Variants in INPP4B observed in about 807,000 individuals in gnomAD.
The protein encoded by INPP4B is inositol polyphosphate-4-phosphatase type II B, also known as inositol polyphosphate 4-phosphatase type II.
In INPP4B, 55 loss-of-function variants were observed where a neutral mutation model predicts 122.5. That is an observed-to-expected ratio of 0.45 (90% confidence interval 0.36 to 0.56). The LOEUF (loss-of-function observed/expected upper bound fraction) is 0.56, where lower values mean the gene tolerates loss of function less well. Among genes scored for constraint, INPP4B ranks in the 20% least tolerant of loss-of-function variants. The probability of loss-of-function intolerance (pLI) is 0.00; values close to 1 mark genes in which losing one functional copy is unlikely to be tolerated. For missense variants in INPP4B, 1,000 were observed against 1,097.7 expected, an observed-to-expected ratio of 0.91 and a Z score of 1.26; for synonymous variants, 403 against 388.7, an observed-to-expected ratio of 1.04 and a Z score of -0.43.
intron 25 of INPP4B, among the ~76,000 whole-genome samples, chr4:142,074,498 A>T (rs923186523): frequency 6.6e-6 from 1 of 152,116 alleles, no homozygotes; most frequent in African/African-American, 2.4e-5. Flanking sequence ...ATCTGGCAGC[A>T]TCTAGCAAAA....
intron 2 of INPP4B, among the ~76,000 whole-genome samples, chr4:142,606,190 A>G (rs939386135): frequency 6.6e-6 from 1 of 151,942 alleles, no homozygotes; most frequent in African/African-American, 2.4e-5. Flanking sequence ...TGGGCACTAA[A>G]AAACTTTAAT....
chr4:142,760,214 C>T lies in INPP4B; in HGVS notation c.-253-34313G>A, dbSNP rs559539375. Among the ~76,000 whole-genome samples, 67 of 152,216 alleles carry T rather than the reference C, an allele frequency of 4.4e-4. 1 individual carries two copies. The highest frequency in any genetic ancestry group is 1.6e-3 in the African/African-American group (66 of 41,556). ...TATCATGGACTTGAGAACACATTTT[C>T]TGAACAAATAAATCTGGAAAATGCT... On this transcript the variant is annotated intron_variant, in intron 1 of 25. Transcript: ENST00000262992.
chr4:142,655,117 CAT>C (rs1261360929), intron 2 of INPP4B, among the ~76,000 whole-genome samples: 1 of 152,114 alleles, frequency 6.6e-6, no homozygotes, highest in Non-Finnish European at 1.5e-5. Flanking sequence ...TGCATGAAAG[CAT>C]AGTTTCAGTA....
intron 1 of INPP4B, among the ~76,000 whole-genome samples, chr4:142,752,433 A>C (rs755722075): frequency 6.6e-6 from 1 of 152,010 alleles, no homozygotes; most frequent in Non-Finnish European, 1.5e-5. Flanking sequence ...AAGAATCACA[A>C]CCTGAATTTC....
Position 142,270,678 on chromosome 4 carries a change from A to C in INPP4B, c.600T>G (p.Asp200Glu), listed in dbSNP as rs756493414. The change falls in exon 10 of 26, where the codon GAT becomes GAG. Residue 200 changes from aspartate (D) to glutamate (E), a missense_variant. Transcript: ENST00000262992. The stretch of plus-strand genomic sequence containing the variant: ...GAGATCCTACCTTTTGTCCCTGTAC[A>C]TCTGTGGTGATGTGGTCGGCTTCCC... Reference protein sequence around the residue: ...EDGEADHITTDVQGQKCALVC... With the variant: ...EDGEADHITTEVQGQKCALVC... 5.6e-6 allele frequency: 9 copies of C among 1,605,764 alleles called. No homozygotes were observed. The South Asian group carries it at 8.8e-5, about 16-fold the overall frequency.
At position 142,260,578 on chromosome 4, in the gene INPP4B, T is replaced by G. The variant is rs1245234684; in HGVS notation, c.616-14A>C. 1 of 1,086,394 alleles carries G rather than the reference T, an allele frequency of 9.2e-7. No homozygotes were observed. The highest frequency in any genetic ancestry group is 3.0e-5 in the Admixed American group (1 of 33,800). 67.3% of individuals were successfully genotyped at this position (1,086,394 alleles called of 1,614,324 possible). ...TACCAGGGCACACTAGGAAAAAATG[T>G]AAAAAAAAAAAAAAAATTTTGAGAA... On this transcript the variant is annotated splice_polypyrimidine_tract_variant and intron_variant, in intron 10 of 25. Coordinates refer to ENST00000262992, the MANE Select transcript of INPP4B (RefSeq NM_001101669.3).
chr4:142,504,474 T>G (rs754200413), intron 2 of INPP4B, among the ~76,000 whole-genome samples: 1 of 152,198 alleles, frequency 6.6e-6, no homozygotes, highest in African/African-American at 2.4e-5. Flanking sequence ...TAAATACATA[T>G]ACTTTTCTAT....
At chr4:142,305,323 T>C in intron 9 of INPP4B, 135 bp downstream of exon 9, 2 of 647,238 alleles carry the variant, frequency 3.1e-6, no homozygotes, top group Non-Finnish European at 5.5e-6. Flanking sequence ...TATAACTTGC[T>C]GCAGTGGAGA....
At chr4:142,767,451 T>C (rs777825363) in intron 1 of INPP4B, 8 of 152,206 alleles carry the variant, frequency 5.3e-5, no homozygotes, top group Non-Finnish European at 1.0e-4. Flanking sequence ...TAGTCAGGAA[T>C]GGGCTGGCTC....
chr4:142,056,818 C>CTT (rs1225213563), intron 25 of INPP4B, among the ~76,000 whole-genome samples: 3 of 152,104 alleles, frequency 2.0e-5, no homozygotes, highest in Non-Finnish European at 4.4e-5. Flanking sequence ...CATTCATTAG[C>CTT]TTAGAGGTCT....
At chr4:142,316,045 G>C (rs1284315748) in intron 7 of INPP4B, among the ~76,000 whole-genome samples, 1 of 151,912 alleles carries the variant, frequency 6.6e-6, no homozygotes, top group Non-Finnish European at 1.5e-5. Flanking sequence ...CCAAGTCCTT[G>C]AAAAAAGCAG....
intron 7 of INPP4B, among the ~76,000 whole-genome samples, chr4:142,331,412 C>G (rs903459737): frequency 2.0e-5 from 3 of 152,284 alleles, no homozygotes; most frequent in African/African-American, 7.2e-5. Flanking sequence ...TACTGGGATC[C>G]TCGTGTACTG....
chr4:142,649,885 G>C (rs1037608544), intron 2 of INPP4B, among the ~76,000 whole-genome samples: 1 of 152,084 alleles, frequency 6.6e-6, no homozygotes. Context: ...GATACTCCTC[G>C]AGGAGAGCAA....
rs566948299 is a variant in INPP4B at position 142,534,797 on chromosome 4, A to G, written c.-190-72071T>C. Among the ~76,000 whole-genome samples, 11 of 151,914 alleles carry G rather than the reference A, an allele frequency of 7.2e-5. 1 individual carries two copies. The South Asian group carries it at 2.3e-3, about 32-fold the overall frequency. Reference sequence around the variant, plus strand: ...GTACTCTCTGTACTCAAAATTCTTTAATTTCCTTGCTCTTAAATTTCCTTT... The same window carrying G: ...GTACTCTCTGTACTCAAAATTCTTTGATTTCCTTGCTCTTAAATTTCCTTT... On this transcript the variant is annotated intron_variant, in intron 2 of 25. Transcript: ENST00000262992.
intron 2 of INPP4B, among the ~76,000 whole-genome samples, chr4:142,630,168 G>T (rs982167402): frequency 6.6e-6 from 1 of 152,082 alleles, no homozygotes; most frequent in African/African-American, 2.4e-5. Flanking sequence ...AGCATCTAAA[G>T]AACAGAAGAG....
chr4:142,677,001 T>A (rs1447000314), intron 2 of INPP4B, among the ~76,000 whole-genome samples: 1 of 152,002 alleles, frequency 6.6e-6, no homozygotes, highest in Non-Finnish European at 1.5e-5. Context: ...TAGAATATAA[T>A]TAAACTAAAG....
In INPP4B at chr4:142,270,686, T is replaced by C; in HGVS notation, c.592A>G (p.Thr198Ala). The stretch of plus-strand genomic sequence containing the variant: ...ACCTTTTGTCCCTGTACATCTGTGG[T>C]GATGTGGTCGGCTTCCCCATCCTCA... ...EIEDGEADHI[T>A]TDVQGQKCAL... is the part of the protein sequence containing the mutation. The change falls in exon 10 of 26, where the codon ACC becomes GCC. Residue 198 changes from threonine (T) to alanine (A), a missense_variant. Coordinates refer to ENST00000262992, the MANE Select transcript of INPP4B (RefSeq NM_001101669.3). 3 of 1,609,282 alleles carry C rather than the reference T, an allele frequency of 1.9e-6. No homozygotes were observed. The highest frequency in any genetic ancestry group is 2.6e-6 in the Non-Finnish European group (3 of 1,175,596).
chr4:142,452,852 G>A (rs1814603794), intron 3 of INPP4B, among the ~76,000 whole-genome samples: 1 of 151,964 alleles, frequency 6.6e-6, no homozygotes, highest in Non-Finnish European at 1.5e-5. Context: ...AAAATATTGT[G>A]AAGCCTTGAG....
chr4:142,055,926 T>C (rs912076150), intron 25 of INPP4B, among the ~76,000 whole-genome samples: 1 of 151,892 alleles, frequency 6.6e-6, no homozygotes, highest in Non-Finnish European at 1.5e-5. Flanking sequence ...CACCACAATG[T>C]GGAATCAGTG....
Sources: gnomAD v4.1 joint callset for allele counts (sites outside exome capture counted in the v4.1 genomes callset) on GRCh38, gnomAD v4.1.1 for gene constraint, MANE v1.5 for transcripts, NCBI Gene and HGNC (gene_info 2026-07-23, HGNC 2026-07-21) for gene names.